Variants in TRIM44 observed in about 807,000 individuals in gnomAD.
The protein encoded by TRIM44 is tripartite motif-containing protein 44.
In TRIM44, 13 loss-of-function variants were observed where a neutral mutation model predicts 37.4. That is an observed-to-expected ratio of 0.35 (90% confidence interval 0.23 to 0.55). TRIM44 has a LOEUF of 0.55. Among genes scored for constraint, TRIM44 ranks in the 20% least tolerant of loss-of-function variants. TRIM44 has a pLI of 0.89. For missense variants in TRIM44, 426 were observed against 437.2 expected, an observed-to-expected ratio of 0.97 and a Z score of 0.23; for synonymous variants, 175 against 157.2, an observed-to-expected ratio of 1.11 and a Z score of -0.85.
At chr11:35,751,980 A>G (rs1056156675) in intron 4 of TRIM44, among the ~76,000 whole-genome samples, 17 of 152,200 alleles carry the variant, frequency 1.1e-4, no homozygotes, top group African/African-American at 4.1e-4. Flanking sequence ...CAAGAGTTAG[A>G]GTAAGACCTT....
rs114876670 is a variant in TRIM44 at position 35,662,804 on chromosome 11, G to A, written c.-308G>A. The A allele has an allele frequency of 5.3e-5, 13 of 247,274 alleles. No individual in the cohort carries two copies. The highest frequency in any genetic ancestry group is 2.7e-4 in the African/African-American group (12 of 44,572). The allele number at this position is 247,274 out of a possible 1,614,324, so 15.3% of individuals were successfully genotyped here. ...GCTGCCGCGATCTCTCCCTGGTAGC[G>A]GGAGGCTGAGCGGGCGGCGCGACGC... On this transcript the variant is annotated 5_prime_UTR_variant, in exon 1 of 5. Coordinates refer to ENST00000299413, the MANE Select transcript of TRIM44 (RefSeq NM_017583.6).
In TRIM44 at chr11:35,726,099, C is replaced by T; in HGVS notation, c.923C>T (p.Thr308Ile). ...DIQSHMDRLM[T>I]QMAQAKEQLD... Reference sequence around the variant, plus strand: ...CAATCCCACATGGATAGGTTGATGACTCAGATGGCCCAAGCCAAGGAACAA... The same window carrying T: ...CAATCCCACATGGATAGGTTGATGATTCAGATGGCCCAAGCCAAGGAACAA... The change falls in exon 3 of 5, where the codon ACT (threonine) becomes ATT (isoleucine). Residue 308 changes from threonine to isoleucine, a missense_variant. Coordinates refer to ENST00000299413, the MANE Select transcript of TRIM44 (RefSeq NM_017583.6). 6.2e-7 allele frequency: 1 copy of T among 1,614,042 alleles called. No individual in the cohort carries two copies. Among genetic ancestry groups the T allele is most frequent in the Non-Finnish European group, 8.5e-7 (1 of 1,180,012 alleles).
chr11:35,754,362 G>T (rs1419099290), intron 4 of TRIM44, among the ~76,000 whole-genome samples: 2 of 152,136 alleles, frequency 1.3e-5, no homozygotes, highest in Non-Finnish European at 2.9e-5. Flanking sequence ...GCTGCCTGCT[G>T]CTCACTCTAG....
chr11:35,665,562 CATT>C (rs1225576584), intron 1 of TRIM44, among the ~76,000 whole-genome samples: 3 of 135,396 alleles, frequency 2.2e-5, no homozygotes, highest in Admixed American at 7.2e-5. Context: ...TGTCTTTTCT[CATT>C]ATATGAGTTT....
chr11:35,767,235 T>TG (rs1204729859), intron 4 of TRIM44, among the ~76,000 whole-genome samples: 1 of 152,186 alleles, frequency 6.6e-6, no homozygotes, highest in Non-Finnish European at 1.5e-5. Flanking sequence ...TGGTATTAAA[T>TG]GGGCTGTTAT....
At chr11:35,762,519 TTGACTAGG>T (rs1852743309) in intron 4 of TRIM44, among the ~76,000 whole-genome samples, 1 of 152,192 alleles carries the variant, frequency 6.6e-6, no homozygotes, top group African/African-American at 2.4e-5. Flanking sequence ...TTATTGAGCC[TTGACTAGG>T]TGCTTGGGCT....
intron 1 of TRIM44, among the ~76,000 whole-genome samples, chr11:35,680,119 T>A (rs932169689): frequency 8.5e-5 from 13 of 152,324 alleles, no homozygotes; most frequent in Middle Eastern, 3.4e-3. Context: ...CTGGTCCATA[T>A]GTTTGCATTG....
chr11:35,793,203 T>A (rs1321475218), intron 4 of TRIM44, among the ~76,000 whole-genome samples: 2 of 150,214 alleles, frequency 1.3e-5, no homozygotes, highest in African/African-American at 5.0e-5. Flanking sequence ...GTGCGGCTTC[T>A]TTTTTAAAAA....
chr11:35,683,793 A>C (rs185773835), intron 1 of TRIM44, among the ~76,000 whole-genome samples: 17 of 152,018 alleles, frequency 1.1e-4, no homozygotes, highest in Non-Finnish European at 1.3e-4. Context: ...TTATATGTTC[A>C]TTCATTGATT....
At chr11:35,678,295 T>G (rs1320520476) in intron 1 of TRIM44, among the ~76,000 whole-genome samples, 1 of 152,128 alleles carries the variant, frequency 6.6e-6, no homozygotes, top group Non-Finnish European at 1.5e-5. Flanking sequence ...AGGTTGGGAA[T>G]AGTGGACAAT....
chr11:35,669,444 G>A (rs2135482521), intron 1 of TRIM44, among the ~76,000 whole-genome samples: 1 of 151,030 alleles, frequency 6.6e-6, no homozygotes, highest in East Asian at 2.0e-4. Context: ...AAGTCTATAT[G>A]GAAAGGATCC....
chr11:35,748,584 T>C (rs767858243), intron 4 of TRIM44, among the ~76,000 whole-genome samples: 4 of 152,234 alleles, frequency 2.6e-5, no homozygotes, highest in Non-Finnish European at 5.9e-5. Context: ...ATTTTTAAAA[T>C]AGAACCTATA....
At chr11:35,707,383 T>G (rs1851900795) in intron 2 of TRIM44, among the ~76,000 whole-genome samples, 1 of 152,112 alleles carries the variant, frequency 6.6e-6, no homozygotes, top group Non-Finnish European at 1.5e-5. Flanking sequence ...AAGCTACCAA[T>G]GACTTTCTTC....
rs1373884308 is a variant in TRIM44, at chr11:35,663,153, C to G, written c.42C>G (p.His14Gln). 1 of 1,550,346 alleles carries G rather than the reference C, an allele frequency of 6.5e-7. No individual in the cohort carries two copies. Among genetic ancestry groups the G allele is most frequent in the Non-Finnish European group, 8.7e-7 (1 of 1,149,228 alleles). The change falls in exon 1 of 5, where the codon CAC (histidine) becomes CAG (glutamine). Residue 14 changes from histidine to glutamine, a missense_variant. Physicochemically the swap from His to Gln is conservative, Grantham distance 24. Coordinates refer to ENST00000299413, the MANE Select transcript of TRIM44 (RefSeq NM_017583.6). Reference sequence around the variant, plus strand: ...GCGCGGCCTTCGAGGAACTGCCTCACGACGGCACGTGTGACGAGTGCGAGC... The same window carrying G: ...GCGCGGCCTTCGAGGAACTGCCTCAGGACGGCACGTGTGACGAGTGCGAGC... ...GVGAAFEELPHDGTCDECEPD... is the reference protein window; with the variant it reads ...GVGAAFEELPQDGTCDECEPD...
chr11:35,738,115 C>G (rs1195821055), intron 4 of TRIM44, among the ~76,000 whole-genome samples: 3 of 152,094 alleles, frequency 2.0e-5, no homozygotes, highest in Admixed American at 6.6e-5. Context: ...AAGAAAATAC[C>G]TTGGCAGAGG....
intron 4 of TRIM44, among the ~76,000 whole-genome samples, chr11:35,779,322 C>T (rs546777163): frequency 2.0e-5 from 3 of 152,266 alleles, no homozygotes; most frequent in East Asian, 1.9e-4. Context: ...GCAAGTGTCC[C>T]GATTTTCCAG....
intron 4 of TRIM44, among the ~76,000 whole-genome samples, chr11:35,761,613 G>C (rs1203126923): frequency 6.6e-6 from 1 of 152,164 alleles, no homozygotes; most frequent in Non-Finnish European, 1.5e-5. Flanking sequence ...GGGTAGAGTA[G>C]ATACTATTGT....
At chr11:35,701,163 T>G (rs1310665765) in intron 2 of TRIM44, among the ~76,000 whole-genome samples, 2 of 152,186 alleles carry the variant, frequency 1.3e-5, no homozygotes, top group Non-Finnish European at 2.9e-5. Context: ...GTCCCATTTT[T>G]ATACCAGATC....
At chr11:35,780,278 T>C (rs1853045868) in intron 4 of TRIM44, among the ~76,000 whole-genome samples, 1 of 152,112 alleles carries the variant, frequency 6.6e-6, no homozygotes, top group African/African-American at 2.4e-5. Flanking sequence ...CAGCCCCAGT[T>C]TAATATAAGT....
Sources: allele counts gnomAD v4.1 joint callset (sites outside exome capture counted in the v4.1 genomes callset), GRCh38; gene constraint gnomAD v4.1.1; transcripts MANE v1.5; gene names NCBI Gene and HGNC (gene_info 2026-07-23, HGNC 2026-07-21).